The following SOS1 variants were observed in gnomAD, a reference collection of about 807,000 sequenced individuals.
The protein encoded by SOS1 is SOS Ras/Rac guanine nucleotide exchange factor 1.
In SOS1, 25 loss-of-function variants were observed where a neutral mutation model predicts 157.6. That is an observed-to-expected ratio of 0.16 (90% CI 0.12 to 0.22). The LOEUF is 0.22. Among genes scored for constraint, SOS1 ranks in the 10% least tolerant of loss-of-function variants. The pLI, the probability that SOS1 is intolerant of heterozygous loss-of-function variation, is 1.00. For missense variants in SOS1, 1,237 were observed against 1,599.1 expected (o/e 0.77, Z 3.86); for synonymous variants, 528 against 534.0 (o/e 0.99, Z 0.16).
At chr2:39,019,182 C>G (rs1185681511) in intron 10 of SOS1, among the ~76,000 whole-genome samples, 1 of 151,156 alleles carries the variant, frequency 6.6e-6, no homozygotes, top group Non-Finnish European at 1.5e-5. Flanking sequence ...AACACCTTTT[C>G]CCTCACTTCA....
intron 10 of SOS1, among the ~76,000 whole-genome samples, chr2:39,020,903 C>CA (rs5830553): frequency 0.78 from 118,742 of 151,386 alleles, 49,278 homozygotes; most frequent in Non-Finnish European, 0.92. Flanking sequence ...AGAAAAATAT[C>CA]AAAAAACTTA....
At chr2:39,110,191 A>G (rs913489084) in intron 1 of SOS1, among the ~76,000 whole-genome samples, 1 of 152,106 alleles carries the variant, frequency 6.6e-6, no homozygotes, top group African/African-American at 2.4e-5. Flanking sequence ...GAAATGGTGT[A>G]GCATTTGCAT....
chr2:39,036,591 T>A (rs912484878), intron 6 of SOS1, among the ~76,000 whole-genome samples: 1 of 152,154 alleles, frequency 6.6e-6, no homozygotes, highest in Admixed American at 6.5e-5. Flanking sequence ...TTTTTCTTTT[T>A]GGGACGGAGT....
intron 1 of SOS1, among the ~76,000 whole-genome samples, chr2:39,110,992 G>T (rs1673411581): frequency 6.6e-6 from 1 of 152,136 alleles, no homozygotes; most frequent in Non-Finnish European, 1.5e-5. Flanking sequence ...TCCCACTTTG[G>T]GAGGGCGAGG....
At chr2:39,006,124 G>A (rs1030247548) in intron 17 of SOS1, among the ~76,000 whole-genome samples, 2 of 152,038 alleles carry the variant, frequency 1.3e-5, no homozygotes, top group East Asian at 3.8e-4. Context: ...CTATGCCTCT[G>A]CTGTATTTAG....
intron 8 of SOS1, among the ~76,000 whole-genome samples, chr2:39,031,858 A>G (rs993047080): frequency 6.6e-6 from 1 of 152,240 alleles, no homozygotes; most frequent in African/African-American, 2.4e-5. Flanking sequence ...ATGGTTTTCA[A>G]AAGGGCACAA....
At chr2:39,114,808 G>C (rs1273353838) in intron 1 of SOS1, among the ~76,000 whole-genome samples, 1 of 152,166 alleles carries the variant, frequency 6.6e-6, no homozygotes, top group Middle Eastern at 3.2e-3. Flanking sequence ...ATGTTGGCCA[G>C]GCTGGTCTCA....
chr2:39,006,114 C>T (rs1669274983), intron 17 of SOS1, among the ~76,000 whole-genome samples: 1 of 152,064 alleles, frequency 6.6e-6, no homozygotes, highest in African/African-American at 2.4e-5. Context: ...TTGAGTTTGG[C>T]TATGCCTCTG....
At chr2:39,111,723 CT>C (rs577014442) in intron 1 of SOS1, among the ~76,000 whole-genome samples, 16,334 of 141,042 alleles carry the variant, frequency 0.12, 827 homozygotes, top group East Asian at 0.21. Context: ...CTCTGGAATC[CT>C]TTTTTTTTTT....
chr2:39,008,285 A>T (rs1015839153), intron 15 of SOS1, among the ~76,000 whole-genome samples: 8 of 152,066 alleles, frequency 5.3e-5, no homozygotes. Context: ...GGGTAAGAAG[A>T]CCTCAGGCTG....
chr2:39,054,921 G>C, intron 4 of SOS1, 98 bp from the exon 5 acceptor site: 2 of 739,890 alleles, frequency 2.7e-6, no homozygotes, highest in East Asian at 2.5e-5. Flanking sequence ...GTTCTTAAAT[G>C]ATAAAAAAGC....
intron 17 of SOS1, among the ~76,000 whole-genome samples, chr2:39,000,567 G>A (rs1179968857): frequency 6.6e-6 from 1 of 152,180 alleles, no homozygotes; most frequent in East Asian, 1.9e-4. Context: ...AGAGGGCTGA[G>A]GTTTCACCTT....
At chr2:39,016,467 A>G (rs1669635548) in intron 10 of SOS1, among the ~76,000 whole-genome samples, 1 of 152,148 alleles carries the variant, frequency 6.6e-6, no homozygotes, top group Admixed American at 6.6e-5. Context: ...TTAAAACAGA[A>G]GGCTGTACAA....
At chr2:39,113,529 T>C (rs1218996391) in intron 1 of SOS1, among the ~76,000 whole-genome samples, 1 of 151,866 alleles carries the variant, frequency 6.6e-6, no homozygotes, top group Admixed American at 6.6e-5. Context: ...AGGGAGGCCA[T>C]GGTGCAAAAA....
chr2:39,120,223 G>T (rs1404830637), intron 1 of SOS1, 113 bp downstream of exon 1: 2 of 950,346 alleles, frequency 2.1e-6, no homozygotes, highest in African/African-American at 1.7e-5. Flanking sequence ...TTTTGGAGAC[G>T]CGGCGAGACC....
intron 1 of SOS1, among the ~76,000 whole-genome samples, chr2:39,096,979 A>T (rs1572889933): frequency 6.6e-6 from 1 of 152,170 alleles, no homozygotes; most frequent in South Asian, 2.1e-4. Context: ...AGCTACCTAT[A>T]CCTACCAATA....
chr2:39,113,699 T>C (rs148019844), intron 1 of SOS1, among the ~76,000 whole-genome samples: 29 of 152,298 alleles, frequency 1.9e-4, no homozygotes, highest in African/African-American at 6.3e-4. Flanking sequence ...GTGCTTACCT[T>C]ATCTCCCAAA....
At chr2:39,072,170 A>G (rs930164901) in intron 1 of SOS1, among the ~76,000 whole-genome samples, 24 of 152,104 alleles carry the variant, frequency 1.6e-4, no homozygotes, top group Admixed American at 2.6e-4. Flanking sequence ...CCTATACTAT[A>G]TATCACATTT....
At position 38,985,198 on chromosome 2, in the gene SOS1, A is replaced by G. The variant is rs1382414714; in HGVS notation, c.*626T>C. 1 of 152,830 alleles carries G rather than the reference A, an allele frequency of 6.5e-6. No homozygotes were observed. The highest frequency in any genetic ancestry group is 2.4e-5 in the African/African-American group (1 of 41,434). The allele number at this position is 152,830 out of a possible 1,614,324, so 9.5% of individuals were successfully genotyped here. The stretch of plus-strand genomic sequence containing the variant: ...AATTGGTACAATTATTCCTAAAACA[A>G]CAACAACAACAAAAAAGTACCTCTT... On this transcript the variant is annotated 3_prime_UTR_variant, in exon 23 of 23. Transcript: ENST00000402219.
Sources: gnomAD v4.1 joint callset for allele counts (sites outside exome capture counted in the v4.1 genomes callset) on GRCh38, gnomAD v4.1.1 for gene constraint, MANE v1.5 for transcripts, NCBI Gene and HGNC (gene_info 2026-07-23, HGNC 2026-07-21) for gene names.